The following MACROD2 variants were observed in gnomAD, a reference collection of about 807,000 sequenced individuals.
The protein encoded by MACROD2 is mono-ADP ribosylhydrolase 2, also known as ADP-ribose glycohydrolase MACROD2.
MACROD2 carries 36 observed loss-of-function variants against 70.4 expected under a neutral mutation model. The ratio of observed to expected loss-of-function variants is 0.51; its 90% CI spans 0.39 to 0.68. MACROD2 has a LOEUF of 0.68. Among genes scored for constraint, MACROD2 ranks in the 30% least tolerant of loss-of-function variants. The probability of loss-of-function intolerance (pLI) is 0.00; values close to 1 mark genes in which losing one functional copy is unlikely to be tolerated. For missense variants in MACROD2, 496 were observed against 538.4 expected, an observed-to-expected ratio of 0.92 and a Z score of 0.78; for synonymous variants, 172 against 178.8, an observed-to-expected ratio of 0.96 and a Z score of 0.30.
chr20:16,018,315 G>A (rs1428366655), intron 15 of MACROD2, among the ~76,000 whole-genome samples: 3 of 151,876 alleles, frequency 2.0e-5, no homozygotes, highest in South Asian at 2.1e-4. Flanking sequence ...AATTTACAAG[G>A]CCTTTTTTTT....
intron 10 of MACROD2, among the ~76,000 whole-genome samples, chr20:15,920,332 G>A (rs185681196): frequency 7.1e-4 from 108 of 152,256 alleles, no homozygotes; most frequent in Admixed American, 1.0e-3. Flanking sequence ...GGAAGCAACT[G>A]TCTCAGACCA....
chr20:14,319,437 T>A (rs907237035), intron 3 of MACROD2, among the ~76,000 whole-genome samples: 1 of 152,202 alleles, frequency 6.6e-6, no homozygotes, highest in African/African-American at 2.4e-5. Context: ...GGTTGATATA[T>A]CTCCCTCCTG....
chr20:14,974,433 G>A (rs2074719564), intron 5 of MACROD2, among the ~76,000 whole-genome samples: 1 of 152,086 alleles, frequency 6.6e-6, no homozygotes, highest in South Asian at 2.1e-4. Context: ...ACCCAGAATT[G>A]GATATTCAAG....
chr20:15,033,182 C>T (rs758728633), intron 5 of MACROD2, among the ~76,000 whole-genome samples: 73 of 152,186 alleles, frequency 4.8e-4, no homozygotes, highest in Non-Finnish European at 9.8e-4. Flanking sequence ...ATGTAATTAA[C>T]ACCACTGAAT....
chr20:15,479,731 G>GT (rs1278175927), intron 7 of MACROD2, among the ~76,000 whole-genome samples: 1 of 152,210 alleles, frequency 6.6e-6, no homozygotes, highest in South Asian at 2.1e-4. Context: ...TAAAGGCTGA[G>GT]TGCCTGTTCC....
intron 5 of MACROD2, among the ~76,000 whole-genome samples, chr20:15,065,751 A>G (rs1293874299): frequency 1.3e-5 from 2 of 152,144 alleles, no homozygotes; most frequent in Admixed American, 1.3e-4. Flanking sequence ...TATTTATCTC[A>G]TAAAAGTTGC....
At chr20:14,392,803 G>A (rs182450771) in intron 3 of MACROD2, among the ~76,000 whole-genome samples, 2 of 151,966 alleles carry the variant, frequency 1.3e-5, no homozygotes, top group African/African-American at 2.4e-5. Flanking sequence ...TTATATTGAC[G>A]GCAACTTGGA....
At chr20:14,816,761 G>C (rs2072778598) in intron 5 of MACROD2, among the ~76,000 whole-genome samples, 1 of 151,858 alleles carries the variant, frequency 6.6e-6, no homozygotes, top group Non-Finnish European at 1.5e-5. Context: ...GGTATAGTTG[G>C]ACAAATTGGG....
chr20:15,655,254 G>T (rs1214750950), intron 8 of MACROD2, among the ~76,000 whole-genome samples: 1 of 151,490 alleles, frequency 6.6e-6, no homozygotes, highest in African/African-American at 2.4e-5. Flanking sequence ...CTTGGTATGT[G>T]CATATATACC....
intron 8 of MACROD2, among the ~76,000 whole-genome samples, chr20:15,799,335 A>G (rs533401171): frequency 6.6e-6 from 1 of 152,292 alleles, no homozygotes; most frequent in South Asian, 2.1e-4. Flanking sequence ...TTAGGTAATA[A>G]TTTATCATTA....
intron 5 of MACROD2, among the ~76,000 whole-genome samples, chr20:15,186,560 A>G (rs1411979509): frequency 6.6e-6 from 1 of 152,210 alleles, no homozygotes; most frequent in African/African-American, 2.4e-5. Flanking sequence ...TTTGTTGGAG[A>G]TGGTATACCC....
intron 3 of MACROD2, among the ~76,000 whole-genome samples, chr20:14,422,065 T>A (rs2083881680): frequency 6.6e-6 from 1 of 152,196 alleles, no homozygotes; most frequent in Non-Finnish European, 1.5e-5. Context: ...GGAATGTTTG[T>A]TTCACATATT....
At chr20:14,243,998 G>A (rs1271716075) in intron 3 of MACROD2, among the ~76,000 whole-genome samples, 1 of 152,180 alleles carries the variant, frequency 6.6e-6, no homozygotes, top group African/African-American at 2.4e-5. Flanking sequence ...AAATTAGACA[G>A]TAAGGAGGTG....
intron 3 of MACROD2, among the ~76,000 whole-genome samples, chr20:14,169,071 A>C (rs902863491): frequency 6.6e-6 from 1 of 152,210 alleles, no homozygotes; most frequent in African/African-American, 2.4e-5. Context: ...AATAAATGTG[A>C]TACACCGCAT....
intron 3 of MACROD2, among the ~76,000 whole-genome samples, chr20:14,409,482 G>A (rs948792953): frequency 6.6e-6 from 1 of 151,726 alleles, no homozygotes; most frequent in African/African-American, 2.4e-5. Flanking sequence ...GAGACCCAGA[G>A]AGATTAAGTA....
At chr20:14,973,225 C>CTTT (rs1223038135) in intron 5 of MACROD2, among the ~76,000 whole-genome samples, 194 of 85,704 alleles carry the variant, frequency 2.3e-3, no homozygotes, top group Non-Finnish European at 3.1e-3. Context: ...TGAGTAGTTG[C>CTTT]TTTTTTTTTT....
intron 5 of MACROD2, among the ~76,000 whole-genome samples, chr20:15,171,813 T>G (rs1437522967): frequency 6.6e-6 from 1 of 152,232 alleles, no homozygotes; most frequent in East Asian, 1.9e-4. Context: ...AATGATGTAG[T>G]TGTATTTTCA....
chr20:15,634,139 A>G (rs2146757616), intron 8 of MACROD2, among the ~76,000 whole-genome samples: 1 of 152,362 alleles, frequency 6.6e-6, no homozygotes, highest in South Asian at 2.1e-4. Context: ...GTAAAATGAC[A>G]TTCATGGGTT....
rs1451860980 is a variant in MACROD2, at chr20:14,222,824, A to G, written c.271+137096A>G. On this transcript the variant is annotated intron_variant, in intron 3 of 17. Coordinates refer to ENST00000684519, the MANE Select transcript of MACROD2 (RefSeq NM_001351661.2). ...ACCTTTGGATTTCTGAAAAAAAAAA[A>G]AAAAAAAAAAAAAAAAAAGAATTGA... is the stretch of plus-strand genomic sequence containing the variant. 7.9e-3 allele frequency among the ~76,000 whole-genome samples: 443 copies of G among 56,174 alleles called. 9 individuals are homozygous for G. The highest frequency in any genetic ancestry group is 0.017 in the African/African-American group (416 of 24,046). The allele number at this position is 56,174 out of a possible 152,430, so 36.9% of individuals were successfully genotyped here. A position where few individuals can be genotyped will look rare whatever the true frequency, so the allele number is the denominator to read the frequency against.
Sources: gnomAD v4.1 joint callset for allele counts (sites outside exome capture counted in the v4.1 genomes callset) on GRCh38, gnomAD v4.1.1 for gene constraint, MANE v1.5 for transcripts, NCBI Gene and HGNC (gene_info 2026-07-23, HGNC 2026-07-21) for gene names.